DUSP6: variants seen among roughly 807,000 people sequenced by gnomAD.
The protein encoded by DUSP6 is dual specificity phosphatase 6.
A neutral mutation model predicts 28.0 loss-of-function variants in DUSP6; 6 were observed. That is an observed-to-expected ratio of 0.21 (90% confidence interval 0.12 to 0.42). DUSP6 has a LOEUF of 0.42. DUSP6 is among the 10% of genes least tolerant of loss of function. The pLI is 1.00. For missense variants in DUSP6, 451 were observed against 498.1 expected (o/e 0.91, Z 0.90); for synonymous variants, 252 against 217.5 (o/e 1.16, Z -1.40).
In DUSP6 at chr12:89,352,245, C is replaced by T. The variant is rs1015687828; in HGVS notation, c.-206G>A. 9 of 684,284 alleles carry T rather than the reference C, an allele frequency of 1.3e-5. No individual in the cohort carries two copies. The Admixed American group carries it at 1.8e-4, about 13-fold the overall frequency. The allele number at this position is 684,284 out of a possible 1,614,324, so 42.4% of individuals were successfully genotyped here. ...CTGCACCCAGCTGCAGCCGCTGGCT[C>T]TTAGTGTCAATGAATCTCTCTCAAT... is the stretch of plus-strand genomic sequence containing the variant. On this transcript the variant is annotated 5_prime_UTR_variant, in exon 1 of 3. Coordinates refer to ENST00000279488, the MANE Select transcript of DUSP6 (RefSeq NM_001946.4).
chr12:89,352,362 A>G lies in DUSP6; in HGVS notation c.-323T>C, dbSNP rs1315203250. 2 of 353,224 alleles carry G rather than the reference A, an allele frequency of 5.7e-6. No homozygotes were observed. The highest frequency in any genetic ancestry group is 2.1e-5 in the African/African-American group (1 of 48,682). The allele number at this position is 353,224 out of a possible 1,614,324, so 21.9% of individuals were successfully genotyped here. On this transcript the variant is annotated 5_prime_UTR_variant, in exon 1 of 3. Coordinates refer to ENST00000279488, the MANE Select transcript of DUSP6 (RefSeq NM_001946.4). ...ACTGAGAGGGGAGGAAAAAAAGTCT[A>G]GCGGCTTCTAATCCCTCCCTCCAAG... is the stretch of plus-strand genomic sequence containing the variant.
chr12:89,352,218 C>G lies in DUSP6; in HGVS notation c.-179G>C, dbSNP rs905793653. The G allele has an allele frequency of 9.1e-6, 8 of 877,298 alleles. No individual in the cohort carries two copies. Among genetic ancestry groups the G allele is most frequent in the Non-Finnish European group, 1.0e-5 (6 of 586,940 alleles). 54.3% of individuals were successfully genotyped at this position (877,298 alleles called of 1,614,324 possible). On this transcript the variant is annotated 5_prime_UTR_variant, in exon 1 of 3. Coordinates refer to ENST00000279488, the MANE Select transcript of DUSP6 (RefSeq NM_001946.4). ...AGACAGAAGTAAAGCCGGAGGTTCT[C>G]TCTGCACCCAGCTGCAGCCGCTGGC...
Position 89,349,146 on chromosome 12 carries a change from TCA to T in DUSP6, c.*106_*107del. On this transcript the variant is annotated 3_prime_UTR_variant, in exon 3 of 3. Transcript: ENST00000279488. Reference sequence around the variant, plus strand: ...CCTTGTCTAGTACAGACAGCTGGTGTCATTTTGACACCTGGGGCCACACACAA... The same window carrying T: ...CCTTGTCTAGTACAGACAGCTGGTGTTTTTGACACCTGGGGCCACACACAA... 1 of 1,233,392 alleles carries T rather than the reference TCA, an allele frequency of 8.1e-7. No individual in the cohort carries two copies. The highest frequency in any genetic ancestry group is 1.1e-6 in the Non-Finnish European group (1 of 886,544). 76.4% of individuals were successfully genotyped at this position (1,233,392 alleles called of 1,614,324 possible).
Position 89,352,079 on chromosome 12 carries a change from C to A in DUSP6, c.-40G>T. On this transcript the variant is annotated 5_prime_UTR_variant, in exon 1 of 3. Coordinates refer to ENST00000279488, the MANE Select transcript of DUSP6 (RefSeq NM_001946.4). ...GGGAGAGGGCGGGGTGCCTACCAGA[C>A]GCCCCTCGGGGCAGGCATAGGCCGA... The A allele has an allele frequency of 6.3e-7, 1 of 1,590,292 alleles. No individual in the cohort carries two copies. The highest frequency in any genetic ancestry group is 8.6e-7 in the Non-Finnish European group (1 of 1,165,244).
intron 1 of DUSP6, chr12:89,351,319 G>A (rs1213369779): frequency 6.9e-6 from 4 of 578,208 alleles, no homozygotes; most frequent in Non-Finnish European, 6.0e-6. Context: ...AATCTCTCCC[G>A]TCCTGCAAAT....
Position 89,349,457 on chromosome 12 carries a change from A to C in DUSP6, c.943T>G (p.Ser315Ala). 6.2e-7 allele frequency: 1 copy of C among 1,614,136 alleles called. No individual in the cohort carries two copies. Among genetic ancestry groups the C allele is most frequent in the Non-Finnish European group, 8.5e-7 (1 of 1,180,000 alleles). Residue 315 changes from serine to alanine, a missense_variant, in exon 3 of 3, where the codon TCG (serine) becomes GCG (alanine). Physicochemically the swap from Ser to Ala is moderately conservative, Grantham distance 99. Transcript: ENST00000279488. ...ACAATGTCATAGGCATCGTTCATCGACAGATTGAGCTTCTGCATAAGGTAA... is the reference window on the plus strand; with the variant it reads ...ACAATGTCATAGGCATCGTTCATCGCCAGATTGAGCTTCTGCATAAGGTAA... ...VAYLMQKLNL[S>A]MNDAYDIVKM... is the part of the protein sequence containing the mutation.
At chr12:89,351,281 C>T (rs1329609270) in intron 1 of DUSP6, 6 of 595,580 alleles carry the variant, frequency 1.0e-5, no homozygotes, top group African/African-American at 7.4e-5. Flanking sequence ...ATTTTGAGAG[C>T]TAAGATGTGC....
chr12:89,349,959 G>A (rs1446784536), intron 2 of DUSP6, among the ~76,000 whole-genome samples: 2 of 152,204 alleles, frequency 1.3e-5, no homozygotes, highest in Non-Finnish European at 2.9e-5. Context: ...CATTTTAAAA[G>A]AGAGAGGGAA....
At chr12:89,351,423 C>T in intron 1 of DUSP6, 8 of 774,710 alleles carry the variant, frequency 1.0e-5, no homozygotes, top group East Asian at 2.8e-5. Context: ...ACCGCCGGTA[C>T]CCGCAGCCGG....
At position 89,349,337 on chromosome 12, in the gene DUSP6, T is replaced by C. The variant is rs753114952; in HGVS notation, c.1063A>G (p.Asn355Asp). The C allele has an allele frequency of 1.1e-5, 17 of 1,614,176 alleles. No homozygotes were observed. The highest frequency in any genetic ancestry group is 1.4e-5 in the Non-Finnish European group (17 of 1,180,018). ...RTLGLSSPCD[N>D]RVPAQQLYFT... ...TACAGCTGCTGTGCTGGAACCCTGTTGTCACATGGGCTGCTGAGTCCCAGC... is the reference window on the plus strand; with the variant it reads ...TACAGCTGCTGTGCTGGAACCCTGTCGTCACATGGGCTGCTGAGTCCCAGC... Residue 355 changes from asparagine (N) to aspartate (D), a missense_variant, in exon 3 of 3, where the codon AAC becomes GAC. Around this residue, in one of 2 missense-constraint regions of DUSP6, gnomAD observed 104 missense variants for 151.4 expected, o/e 0.69. Transcript: ENST00000279488.
chr12:89,350,293 A>G (rs554963029), intron 2 of DUSP6, among the ~76,000 whole-genome samples: 1 of 152,380 alleles, frequency 6.6e-6, no homozygotes, highest in South Asian at 2.1e-4. Flanking sequence ...CCTTCCCCTG[A>G]GTCCAAAGAC....
rs1415558250 is a variant in DUSP6 at position 89,351,960 on chromosome 12, A to G, written c.80T>C (p.Leu27Pro). ...SKTVAWLNEQ[L>P]ELGNERLLLM... The stretch of plus-strand genomic sequence containing the variant: ...CAGCAGCCGCTCGTTGCCCAGCTCC[A>G]GCTGCTCGTTGAGCCACGCCACCGT... Residue 27 changes from leucine (L) to proline (P), a missense_variant, in exon 1 of 3, where the codon CTG becomes CCG. Physicochemically the swap from Leu to Pro is moderately conservative, Grantham distance 98. This residue lies in a region of DUSP6 where 347 missense variants were observed against 346.6 expected (regional missense o/e 1.00). Coordinates refer to ENST00000279488, the MANE Select transcript of DUSP6 (RefSeq NM_001946.4). 1 of 1,613,066 alleles carries G rather than the reference A, an allele frequency of 6.2e-7. No homozygotes were observed. Among genetic ancestry groups the G allele is most frequent in the Non-Finnish European group, 8.5e-7 (1 of 1,179,954 alleles).
In DUSP6 at chr12:89,349,328, G is replaced by C; in HGVS notation, c.1072C>G (p.Pro358Ala). The part of the protein sequence containing the change: ...GLSSPCDNRV[P>A]AQQLYFTTPS... Reference sequence around the variant, plus strand: ...GTGGTAAAATACAGCTGCTGTGCTGGAACCCTGTTGTCACATGGGCTGCTG... The same window carrying C: ...GTGGTAAAATACAGCTGCTGTGCTGCAACCCTGTTGTCACATGGGCTGCTG... The change falls in exon 3 of 3, where the codon CCA becomes GCA. Residue 358 changes from proline to alanine, a missense_variant. Transcript: ENST00000279488. The C allele has an allele frequency of 6.2e-7, 1 of 1,614,168 alleles. No individual in the cohort carries two copies.
Position 89,348,983 on chromosome 12 carries a change from T to C in DUSP6, c.*271A>G. ...CCCTATGCGCCTGGAAGTCCTCGAATCCCAGTCCCTGCATGGGTAGGCTGT... is the reference window on the plus strand; with the variant it reads ...CCCTATGCGCCTGGAAGTCCTCGAACCCCAGTCCCTGCATGGGTAGGCTGT... On this transcript the variant is annotated 3_prime_UTR_variant, in exon 3 of 3. Transcript: ENST00000279488. 3 of 391,704 alleles carry C rather than the reference T, an allele frequency of 7.7e-6. No individual in the cohort carries two copies. Among genetic ancestry groups the C allele is most frequent in the Non-Finnish European group, 1.4e-5 (3 of 215,432 alleles). 24.3% of individuals were successfully genotyped at this position (391,704 alleles called of 1,614,324 possible).
chr12:89,348,424 A>G lies in DUSP6; in HGVS notation c.*830T>C, dbSNP rs564023368. 2.0e-5 allele frequency: 3 copies of G among 152,654 alleles called. No individual in the cohort carries two copies. The East Asian group carries it at 5.8e-4, about 29-fold the overall frequency. The allele number at this position is 152,654 out of a possible 1,614,324, so 9.5% of individuals were successfully genotyped here. A position where few individuals can be genotyped will look rare whatever the true frequency, so the allele number is the denominator to read the frequency against. On this transcript the variant is annotated 3_prime_UTR_variant, in exon 3 of 3. Transcript: ENST00000279488. ...AGATTATCCCCTTTGCGACAACACAAGCAAAAATATTTACAAAGGTAAGGC... is the reference window on the plus strand; with the variant it reads ...AGATTATCCCCTTTGCGACAACACAGGCAAAAATATTTACAAAGGTAAGGC...
Position 89,352,150 on chromosome 12 carries a change from C to T in DUSP6, c.-111G>A, listed in dbSNP as rs1470682439. On this transcript the variant is annotated 5_prime_UTR_variant, in exon 1 of 3. Coordinates refer to ENST00000279488, the MANE Select transcript of DUSP6 (RefSeq NM_001946.4). ...CCGCTCTCGGAGCGGGGTTTAATTC[C>T]GCCTCGCCTTACCCAAGCCGAGGCT... The T allele has an allele frequency of 1.3e-6, 2 of 1,486,786 alleles. No homozygotes were observed. Among genetic ancestry groups the T allele is most frequent in the Admixed American group, 2.2e-5 (1 of 46,324 alleles). 92.1% of individuals were successfully genotyped at this position (1,486,786 alleles called of 1,614,324 possible).
At chr12:89,349,706 C>G (rs2120496251) in intron 2 of DUSP6, 145 bp from the exon 3 acceptor site, 1 of 614,592 alleles carries the variant, frequency 1.6e-6, no homozygotes, top group Middle Eastern at 4.4e-4. Flanking sequence ...GAAAATGTAT[C>G]ACTGAAATGA....
chr12:89,350,827 G>C lies in DUSP6; in HGVS notation c.599C>G (p.Ser200Cys). 6.2e-7 allele frequency: 1 copy of C among 1,614,116 alleles called. No individual in the cohort carries two copies. Among genetic ancestry groups the C allele is most frequent in the Admixed American group, 1.7e-5 (1 of 60,020 alleles). The change falls in exon 2 of 3, where the codon TCC becomes TGC. Residue 200 changes from serine (S) to cysteine (C), a missense_variant. Ser to Cys is a moderately radical substitution (Grantham distance 112). Coordinates refer to ENST00000279488, the MANE Select transcript of DUSP6 (RefSeq NM_001946.4). ...CACTGGGAAGGAAGGCTGGCTGTTG[G>C]ACAGCGGACTACCATCCGAGTCTGT... ...SATDSDGSPL[S>C]NSQPSFPVEI...
At position 89,348,175 on chromosome 12, in the gene DUSP6, ACAAT is replaced by A. The variant is rs1400472157; in HGVS notation, c.*1075_*1078del. ...TGGAGAATTTAACTCTCCCTTCTTC[ACAAT>A]CAAATGCATTTCTCTTATCAAATGG... On this transcript the variant is annotated 3_prime_UTR_variant, in exon 3 of 3. Coordinates refer to ENST00000279488, the MANE Select transcript of DUSP6 (RefSeq NM_001946.4). 7 of 152,610 alleles carry A rather than the reference ACAAT, an allele frequency of 4.6e-5. No individual in the cohort carries two copies. In the East Asian group the frequency reaches 1.3e-3, roughly 29 times the overall value. 9.5% of individuals were successfully genotyped at this position (152,610 alleles called of 1,614,324 possible).
Sources: gnomAD v4.1 joint callset for allele counts (sites outside exome capture counted in the v4.1 genomes callset) on GRCh38, gnomAD v4.1.1 for gene constraint, gnomAD v4.1.1 regional missense constraint, MANE v1.5 for transcripts, NCBI Gene and HGNC (gene_info 2026-07-23, HGNC 2026-07-21) for gene names.